Variants in INTS2 observed in about 807,000 individuals in gnomAD.
INTS2 encodes KIAA1287.
INTS2 carries 57 observed loss-of-function variants against 139.6 expected under a neutral mutation model. That is an observed-to-expected ratio of 0.41 (90% CI 0.33 to 0.51). The LOEUF (loss-of-function observed/expected upper bound fraction) is 0.51, where lower values mean the gene tolerates loss of function less well. Among genes scored for constraint, INTS2 ranks in the 20% least tolerant of loss-of-function variants. The pLI is 0.28. For missense variants in INTS2, 1,196 were observed against 1,436.7 expected, an observed-to-expected ratio of 0.83 and a Z score of 2.71; for synonymous variants, 473 against 493.4, an observed-to-expected ratio of 0.96 and a Z score of 0.55.
chr17:61,891,656 T>G lies in INTS2; in HGVS notation c.1732A>C (p.Thr578Pro). Residue 578 changes from threonine (T) to proline (P), a missense_variant, in exon 14 of 25, where the codon ACT (threonine) becomes CCT (proline). Physicochemically the swap from Thr to Pro is conservative, Grantham distance 38. Coordinates refer to ENST00000251334, the MANE Select transcript of INTS2 (RefSeq NM_001351695.2). ...GGAAGTAATTGAGGATGAAGTGGAG[T>G]AGAGGTTTCACACAGCTGTCTATAA... ...WIYRQLCETS[T>P]PLHPQLLPLI... The G allele has an allele frequency of 6.2e-7, 1 of 1,612,690 alleles. No homozygotes were observed. Among genetic ancestry groups the G allele is most frequent in the Non-Finnish European group, 8.5e-7 (1 of 1,179,018 alleles).
Position 61,870,341 on chromosome 17 carries a change from A to C in INTS2, c.2779-353T>G, listed in dbSNP as rs573346367. Reference sequence around the variant, plus strand: ...GAGTATCATGAATTCAGTTACATCCAAAACAGGCCCTAGGCAAAAATGACT... The same window carrying C: ...GAGTATCATGAATTCAGTTACATCCCAAACAGGCCCTAGGCAAAAATGACT... On this transcript the variant is annotated intron_variant, in intron 20 of 24. Coordinates refer to ENST00000251334, the MANE Select transcript of INTS2 (RefSeq NM_001351695.2). This position sits in a 1 kb window ranked among gnomAD's most constrained non-coding sequence, Gnocchi z 4.4. Among the ~76,000 whole-genome samples, 5 of 152,222 alleles carry C rather than the reference A, an allele frequency of 3.3e-5. No homozygotes were observed. The highest frequency in any genetic ancestry group is 1.2e-4 in the African/African-American group (5 of 41,456).
intron 15 of INTS2, 199 bp from the exon 16 acceptor site, chr17:61,885,204 T>C: frequency 1.8e-6 from 1 of 552,064 alleles, no homozygotes; most frequent in Non-Finnish European, 3.2e-6. Context: ...TGGAGCAAGA[T>C]CTGGAAAATG....
intron 9 of INTS2, among the ~76,000 whole-genome samples, chr17:61,903,510 TCTC>T (rs1161655830): frequency 6.6e-6 from 1 of 151,646 alleles, no homozygotes; most frequent in South Asian, 2.1e-4. Context: ...CCTGAAGAAA[TCTC>T]CTCAAGAAGA....
At chr17:61,889,984 T>C (rs1214538795) in intron 14 of INTS2, 90 bp from the exon 15 acceptor site, 15 of 756,046 alleles carry the variant, frequency 2.0e-5, no homozygotes, top group South Asian at 6.1e-5. Context: ...AAATAGACTA[T>C]TCAGCATTGC....
chr17:61,918,801 C>CA (rs1370713171), intron 5 of INTS2, among the ~76,000 whole-genome samples: 2 of 151,946 alleles, frequency 1.3e-5, no homozygotes, highest in East Asian at 3.9e-4. Flanking sequence ...GGCTAAAAAA[C>CA]AAAGGTCTGA....
chr17:61,923,259 C>A (rs543044643), intron 3 of INTS2, among the ~76,000 whole-genome samples: 1 of 150,832 alleles, frequency 6.6e-6, no homozygotes, highest in Non-Finnish European at 1.5e-5. Context: ...GGGCGGATCA[C>A]GAGATCAGGA....
intron 8 of INTS2, 32 bp downstream of exon 8, chr17:61,907,376 A>G: frequency 6.6e-7 from 1 of 1,512,548 alleles, no homozygotes; most frequent in Non-Finnish European, 9.0e-7. Flanking sequence ...AGGTAAAATG[A>G]CAAAAAGGTA....
rs773563844 is a variant in INTS2, at chr17:61,871,653, G to A, written c.2778+612C>T. On this transcript the variant is annotated intron_variant, in intron 20 of 24. Coordinates refer to ENST00000251334, the MANE Select transcript of INTS2 (RefSeq NM_001351695.2). The surrounding 1 kb of genome is among the most constrained non-coding windows in gnomAD (Gnocchi z 4.9). ...TCCCAGTAAATATTGGTTGAATGAGGCCGGGTGCCGTGGCTCATGCCTGTA... is the reference window on the plus strand; with the variant it reads ...TCCCAGTAAATATTGGTTGAATGAGACCGGGTGCCGTGGCTCATGCCTGTA... 6.6e-6 allele frequency among the ~76,000 whole-genome samples: 1 copy of A among 152,114 alleles called. No homozygotes were observed. The highest frequency in any genetic ancestry group is 1.5e-5 in the Non-Finnish European group (1 of 68,026).
At chr17:61,899,349 C>G (rs1394088885) in intron 9 of INTS2, among the ~76,000 whole-genome samples, 1 of 152,132 alleles carries the variant, frequency 6.6e-6, no homozygotes, top group Non-Finnish European at 1.5e-5. Context: ...CTCCCGGATT[C>G]AAGAGATTCT....
At chr17:61,879,830 G>A (rs2079161855) in intron 17 of INTS2, among the ~76,000 whole-genome samples, 1 of 151,874 alleles carries the variant, frequency 6.6e-6, no homozygotes, top group Non-Finnish European at 1.5e-5. Flanking sequence ...ACAGAACAAG[G>A]CTCTGTCTCA....
intron 5 of INTS2, among the ~76,000 whole-genome samples, chr17:61,912,941 T>A (rs2079542622): frequency 6.6e-6 from 1 of 151,774 alleles, no homozygotes; most frequent in South Asian, 2.1e-4. Context: ...CTGGGTGTGG[T>A]AATGCGCACC....
At chr17:61,916,321 C>T (rs893007660) in intron 5 of INTS2, among the ~76,000 whole-genome samples, 1 of 152,124 alleles carries the variant, frequency 6.6e-6, no homozygotes, top group Non-Finnish European at 1.5e-5. Context: ...GTAGTCCCAG[C>T]TACTCAGGAG....
chr17:61,889,870 G>T lies in INTS2; in HGVS notation c.1900C>A (p.Arg634Ser). Residue 634 changes from arginine (R) to serine (S), a missense_variant, in exon 15 of 25, where the codon CGT becomes AGT. Coordinates refer to ENST00000251334, the MANE Select transcript of INTS2 (RefSeq NM_001351695.2). Reference sequence around the variant, plus strand: ...AAAAGCTGTGCTGTGATACTGAAACGCTGATTAAGGCGGATGTTGTCACCC... The same window carrying T: ...AAAAGCTGTGCTGTGATACTGAAACTCTGATTAAGGCGGATGTTGTCACCC... ...IGGDNIRLNQ[R>S]FSITAQLLVL... 1 of 1,609,370 alleles carries T rather than the reference G, an allele frequency of 6.2e-7. No individual in the cohort carries two copies. The highest frequency in any genetic ancestry group is 8.5e-7 in the Non-Finnish European group (1 of 1,176,648).
chr17:61,889,981 C>T (rs1182273398), intron 14 of INTS2, 87 bp from the exon 15 acceptor site: 3 of 782,948 alleles, frequency 3.8e-6, no homozygotes, highest in Non-Finnish European at 6.4e-6. Context: ...TCAAAATAGA[C>T]TATTCAGCAT....
At chr17:61,920,268 G>A (rs371335517) in intron 4 of INTS2, among the ~76,000 whole-genome samples, 3 of 137,886 alleles carry the variant, frequency 2.2e-5, no homozygotes, top group Admixed American at 7.9e-5. Context: ...CGCAACCTCC[G>A]CCTCCAGAGT....
intron 11 of INTS2, 40 bp from the exon 12 acceptor site, chr17:61,895,423 T>A: frequency 8.2e-7 from 1 of 1,217,968 alleles, no homozygotes; most frequent in African/African-American, 1.5e-5. Flanking sequence ...TGTAAAAATA[T>A]ATGAAACACA....
intron 14 of INTS2, 64 bp downstream of exon 14, chr17:61,891,449 T>C (rs1319780552): frequency 4.9e-6 from 6 of 1,222,588 alleles, no homozygotes; most frequent in Non-Finnish European, 7.0e-6. Context: ...AATAAAAATA[T>C]GGGTTAAGTA....
Position 61,925,108 on chromosome 17 carries a change from G to A in INTS2, c.294-9C>T. 12 of 1,610,512 alleles carry A rather than the reference G, an allele frequency of 7.5e-6. No homozygotes were observed. The highest frequency in any genetic ancestry group is 9.3e-6 in the Non-Finnish European group (11 of 1,177,366). The stretch of plus-strand genomic sequence containing the variant: ...CTCCTCCAAGTTTATGCCTAATGAA[G>A]TACAAAACATGTAACAATTATGAAA... On this transcript the variant is annotated splice_polypyrimidine_tract_variant and intron_variant, in intron 2 of 24. Coordinates refer to ENST00000251334, the MANE Select transcript of INTS2 (RefSeq NM_001351695.2).
At chr17:61,895,185 T>C in intron 12 of INTS2, 130 bp downstream of exon 12, 1 of 595,456 alleles carries the variant, frequency 1.7e-6, no homozygotes. Context: ...GTTTCAAAGA[T>C]GAAATAAATC....
Sources: allele counts gnomAD v4.1 joint callset (sites outside exome capture counted in the v4.1 genomes callset), GRCh38; gene constraint gnomAD v4.1.1; non-coding constraint Gnocchi (gnomAD v3.1); transcripts MANE v1.5; gene names NCBI Gene and HGNC (gene_info 2026-07-23, HGNC 2026-07-21).